The following MAF variants were observed in gnomAD, a reference collection of about 807,000 sequenced individuals.
MAF encodes the protein transcription factor Maf.
In MAF, 10 loss-of-function variants were observed where a neutral mutation model predicts 22.0. That is an observed-to-expected ratio of 0.45 (90% confidence interval 0.28 to 0.77). The LOEUF (loss-of-function observed/expected upper bound fraction) is 0.77, where lower values mean the gene tolerates loss of function less well. Ranked by LOEUF, MAF falls within the 30% of genes least tolerant of loss-of-function variation. The pLI is 0.12. For missense variants in MAF, 544 were observed against 548.4 expected (o/e 0.99, Z 0.08); for synonymous variants, 337 against 255.8 (o/e 1.32, Z -3.03).
chr16:79,594,055 A>G lies in MAF; in HGVS notation c.*405T>C. On this transcript the variant is annotated 3_prime_UTR_variant, in exon 2 of 2. Coordinates refer to ENST00000326043, the MANE Select transcript of MAF (RefSeq NM_005360.5). ...TCTTAGTAAAATTATCTGCCAGAGA[A>G]ACAATGAAGCATGAAAAAGTACTAT... 1 of 235,116 alleles carries G rather than the reference A, an allele frequency of 4.3e-6. No homozygotes were observed. Among genetic ancestry groups the G allele is most frequent in the Non-Finnish European group, 8.5e-6 (1 of 118,202 alleles). 14.6% of individuals were successfully genotyped at this position (235,116 alleles called of 1,614,324 possible).
the MAF span, among the ~76,000 whole-genome samples, chr16:79,306,974 T>G: frequency 1.3e-5 from 2 of 152,222 alleles, no homozygotes; most frequent in Non-Finnish European, 2.9e-5. Context: ...ATGCCATATG[T>G]ACAATCTGCT....
At chr16:79,262,389 A>C in the MAF span, among the ~76,000 whole-genome samples, 8,042 of 152,292 alleles carry the variant, frequency 0.053, 465 homozygotes, top group African/African-American at 0.14. Flanking sequence ...ATGTAGACAA[A>C]GGACATGATA....
chr16:79,499,487 A>G, the MAF span, among the ~76,000 whole-genome samples: 4 of 152,154 alleles, frequency 2.6e-5, no homozygotes, highest in African/African-American at 9.7e-5. Context: ...GTTTCCCTAA[A>G]ATTCATATGT....
At chr16:79,515,235 C>T in the MAF span, among the ~76,000 whole-genome samples, 2 of 152,208 alleles carry the variant, frequency 1.3e-5, no homozygotes, top group South Asian at 2.1e-4. Flanking sequence ...ACCCTTACTC[C>T]TAGTAGTCCC....
At chr16:79,513,259 G>A in the MAF span, among the ~76,000 whole-genome samples, 4 of 152,236 alleles carry the variant, frequency 2.6e-5, no homozygotes, top group Non-Finnish European at 4.4e-5. Context: ...CGCAGTAGAC[G>A]GAACAGGTTT....
the MAF span, among the ~76,000 whole-genome samples, chr16:79,522,502 T>A: frequency 3.3e-4 from 50 of 152,324 alleles, no homozygotes; most frequent in African/African-American, 1.2e-3. Flanking sequence ...ATCAGTTCAA[T>A]AGACATAGGG....
At chr16:79,342,121 C>T in the MAF span, among the ~76,000 whole-genome samples, 3 of 152,190 alleles carry the variant, frequency 2.0e-5, no homozygotes, top group African/African-American at 7.2e-5. Context: ...GGGTATGTAA[C>T]ACCGAATCTC....
chr16:79,340,875 A>G, the MAF span, among the ~76,000 whole-genome samples: 18 of 152,278 alleles, frequency 1.2e-4, no homozygotes, highest in South Asian at 1.5e-3. Context: ...CCATTAGGCA[A>G]ATAACTAAAT....
At chr16:79,412,962 A>G in the MAF span, among the ~76,000 whole-genome samples, 3 of 152,224 alleles carry the variant, frequency 2.0e-5, no homozygotes, top group Non-Finnish European at 2.9e-5. Flanking sequence ...CATCTGTGAG[A>G]GTTAAAGCAG....
At chr16:79,502,523 G>C in the MAF span, among the ~76,000 whole-genome samples, 1 of 151,322 alleles carries the variant, frequency 6.6e-6, no homozygotes, top group African/African-American at 2.4e-5. Context: ...AAAATTAGCT[G>C]AGCGTGGTGG....
chr16:79,472,546 C>G, the MAF span, among the ~76,000 whole-genome samples: 5 of 152,038 alleles, frequency 3.3e-5, no homozygotes, highest in Admixed American at 6.5e-5. Context: ...GATTCCATCT[C>G]TTTAAAATGT....
At chr16:79,562,704 G>A in the MAF span, among the ~76,000 whole-genome samples, 5 of 152,222 alleles carry the variant, frequency 3.3e-5, no homozygotes, top group South Asian at 1.0e-3. Flanking sequence ...ATGCTTTGGA[G>A]AAGGCCACCC....
At chr16:79,485,612 A>C in the MAF span, among the ~76,000 whole-genome samples, 3 of 152,194 alleles carry the variant, frequency 2.0e-5, no homozygotes, top group Non-Finnish European at 2.9e-5. Flanking sequence ...AGACAACAAA[A>C]GTTTATAAGA....
the MAF span, among the ~76,000 whole-genome samples, chr16:79,371,489 A>G: frequency 6.6e-6 from 1 of 152,112 alleles, no homozygotes; most frequent in African/African-American, 2.4e-5. Flanking sequence ...TCGAATGACT[A>G]ACTAGGCCCT....
the MAF span, among the ~76,000 whole-genome samples, chr16:79,289,115 C>A: frequency 6.6e-6 from 1 of 152,180 alleles, no homozygotes; most frequent in Non-Finnish European, 1.5e-5. Context: ...TGAGGCCATG[C>A]AAGGACTTGT....
the MAF span, among the ~76,000 whole-genome samples, chr16:79,308,298 A>T: frequency 6.6e-6 from 1 of 152,202 alleles, no homozygotes; most frequent in African/African-American, 2.4e-5. Flanking sequence ...TAAGTGAGGA[A>T]CCAGACTTTT....
the MAF span, among the ~76,000 whole-genome samples, chr16:79,473,190 A>G: frequency 2.0e-5 from 3 of 152,284 alleles, no homozygotes; most frequent in Admixed American, 2.0e-4. Context: ...GAACAGCCAC[A>G]GGCAGTCATA....
At chr16:79,448,405 C>T in the MAF span, among the ~76,000 whole-genome samples, 1 of 148,146 alleles carries the variant, frequency 6.8e-6, no homozygotes, top group Non-Finnish European at 1.5e-5. Flanking sequence ...AGCAATGAAG[C>T]ATTTTTGTTT....
the MAF span, among the ~76,000 whole-genome samples, chr16:79,566,381 G>C: frequency 6.6e-6 from 1 of 152,220 alleles, no homozygotes; most frequent in Non-Finnish European, 1.5e-5. Context: ...TCACAGCAGG[G>C]AGTGGGGACT....
Sources: allele counts gnomAD v4.1 joint callset (sites outside exome capture counted in the v4.1 genomes callset), GRCh38; gene constraint gnomAD v4.1.1; transcripts MANE v1.5; gene names NCBI Gene and HGNC (gene_info 2026-07-23, HGNC 2026-07-21).